CRB1: variants seen among roughly 807,000 people sequenced by gnomAD.
CRB1 encodes the protein protein crumbs homolog 1.
In CRB1, 83 loss-of-function variants were observed where a neutral mutation model predicts 120.0. The ratio of observed to expected loss-of-function variants is 0.69; its 90% CI spans 0.58 to 0.83. The LOEUF (loss-of-function observed/expected upper bound fraction) is 0.83. CRB1 is among the 40% of genes least tolerant of loss of function. The pLI, the probability that CRB1 is intolerant of heterozygous loss-of-function variation, is 0.00. For synonymous variants in CRB1, 625 were observed against 612.5 expected, an observed-to-expected ratio of 1.02 and a Z score of -0.30; for missense variants, 1,699 against 1,687.6, an observed-to-expected ratio of 1.01 and a Z score of -0.12.
chr1:197,282,066 TG>T (rs149207175), intron 1 of CRB1, among the ~76,000 whole-genome samples: 5,905 of 149,042 alleles, frequency 0.04, 159 homozygotes, highest in Non-Finnish European at 0.061. Context: ...TTCATAAAAA[TG>T]AAAAAAAAAA....
At chr1:197,275,274 G>A (rs188216649) in intron 1 of CRB1, among the ~76,000 whole-genome samples, 133 of 152,102 alleles carry the variant, frequency 8.7e-4, no homozygotes, top group African/African-American at 3.1e-3. Flanking sequence ...TTAGGACTCT[G>A]ACATACCTTG....
chr1:197,355,842 C>T (rs1247050576), intron 4 of CRB1, among the ~76,000 whole-genome samples: 1 of 152,218 alleles, frequency 6.6e-6, no homozygotes, highest in Non-Finnish European at 1.5e-5. Context: ...GGGGCTCCCA[C>T]AATGCAACGG....
chr1:197,366,075 G>A (rs1661058645), intron 5 of CRB1, among the ~76,000 whole-genome samples: 1 of 151,750 alleles, frequency 6.6e-6, no homozygotes, highest in Non-Finnish European at 1.5e-5. Flanking sequence ...AGGTAGAAAA[G>A]CAAGTGTTAA....
Position 197,344,315 on chromosome 1 carries a change from GT to G in CRB1, c.688del (p.Ser230ProfsTer5). On this transcript the variant is annotated frameshift_variant, in exon 3 of 12. Coordinates refer to ENST00000367400, the MANE Select transcript of CRB1 (RefSeq NM_201253.3). LOFTEE classifies it high-confidence loss of function. ...GTGAATTGGAAATTGACGAATGTTG[GT>G]CCCAGCCTTGTTTAAATGGTGCAAC... is the stretch of plus-strand genomic sequence containing the variant. ...NCELEIDECW[S>X]QPCLNGATCQ... The G allele has an allele frequency of 6.2e-7, 1 of 1,614,078 alleles. No homozygotes were observed. The highest frequency in any genetic ancestry group is 8.5e-7 in the Non-Finnish European group (1 of 1,180,006).
intron 1 of CRB1, among the ~76,000 whole-genome samples, chr1:197,322,782 T>A (rs10801602): frequency 0.35 from 53,439 of 152,032 alleles, 11,895 homozygotes; most frequent in East Asian, 0.78. Flanking sequence ...GCAGTTCATA[T>A]GAACATTAAT....
chr1:197,329,803 A>G (rs1658745411), intron 2 of CRB1, among the ~76,000 whole-genome samples: 1 of 152,140 alleles, frequency 6.6e-6, no homozygotes, highest in Non-Finnish European at 1.5e-5. Flanking sequence ...GCTTTCTCAC[A>G]TGCATTCATT....
chr1:197,321,568 A>T (rs1658196107), intron 1 of CRB1, among the ~76,000 whole-genome samples: 1 of 152,236 alleles, frequency 6.6e-6, no homozygotes, highest in South Asian at 2.1e-4. Flanking sequence ...TTATTTTACT[A>T]TTAGAAGGTG....
intron 5 of CRB1, among the ~76,000 whole-genome samples, chr1:197,363,529 T>A (rs886328301): frequency 6.6e-6 from 1 of 152,172 alleles, no homozygotes; most frequent in Admixed American, 6.5e-5. Flanking sequence ...CACAACTTTT[T>A]TTTCTGCACC....
At chr1:197,426,801 G>T (rs1664605626) in intron 6 of CRB1, among the ~76,000 whole-genome samples, 1 of 152,116 alleles carries the variant, frequency 6.6e-6, no homozygotes, top group Admixed American at 6.6e-5. Flanking sequence ...CCCAAGAGAA[G>T]ATTTAATCAT....
intron 4 of CRB1, among the ~76,000 whole-genome samples, chr1:197,355,341 A>G (rs1660405027): frequency 6.6e-6 from 1 of 152,176 alleles, no homozygotes; most frequent in Non-Finnish European, 1.5e-5. Context: ...CAGCTAGTGG[A>G]TCCCACGCAG....
At chr1:197,365,621 T>C in intron 5 of CRB1, among the ~76,000 whole-genome samples, 1 of 129,366 alleles carries the variant, frequency 7.7e-6, no homozygotes, top group East Asian at 2.0e-4. Context: ...CTTCTTCTTC[T>C]TCTTCTTTTT....
chr1:197,316,346 G>A (rs940400295), intron 1 of CRB1, among the ~76,000 whole-genome samples: 7 of 152,032 alleles, frequency 4.6e-5, no homozygotes, highest in South Asian at 2.1e-4. Flanking sequence ...CACCGAGCCC[G>A]GCTGATTTTT....
At chr1:197,428,571 G>GA (rs1291070982) in intron 7 of CRB1, among the ~76,000 whole-genome samples, 1 of 152,060 alleles carries the variant, frequency 6.6e-6, no homozygotes, top group Non-Finnish European at 1.5e-5. Flanking sequence ...CCTTTCAAAG[G>GA]AAAAAAAGGA....
the CRB1 span, among the ~76,000 whole-genome samples, chr1:197,216,915 CA>C: frequency 2.6e-5 from 4 of 151,392 alleles, no homozygotes; most frequent in African/African-American, 9.7e-5. Context: ...ATAAAAGTCC[CA>C]TAAAGAAAGG....
chr1:197,339,974 C>T (rs1313863325), intron 2 of CRB1, among the ~76,000 whole-genome samples: 1 of 152,134 alleles, frequency 6.6e-6, no homozygotes, highest in Non-Finnish European at 1.5e-5. Context: ...ATGCATTCAA[C>T]ATTTATTGAG....
chr1:197,324,303 C>G, intron 1 of CRB1, among the ~76,000 whole-genome samples: 1 of 152,282 alleles, frequency 6.6e-6, no homozygotes. Flanking sequence ...TTTTCTTGAA[C>G]TTATTCATTT....
chr1:197,302,049 ATAT>A (rs771845192), intron 1 of CRB1, among the ~76,000 whole-genome samples: 1 of 152,224 alleles, frequency 6.6e-6, no homozygotes, highest in Non-Finnish European at 1.5e-5. Context: ...TGTGGTTAAA[ATAT>A]TATCAAAAAG....
chr1:197,306,231 T>C (rs1657168050), intron 1 of CRB1, among the ~76,000 whole-genome samples: 1 of 152,096 alleles, frequency 6.6e-6, no homozygotes, highest in South Asian at 2.1e-4. Flanking sequence ...TAGCAAGCTG[T>C]AAAGTCCAAA....
chr1:197,449,531 TAA>T (rs1470392090), intron 11 of CRB1, among the ~76,000 whole-genome samples: 1 of 151,898 alleles, frequency 6.6e-6, no homozygotes, highest in African/African-American at 2.4e-5. Flanking sequence ...CACGCCCGGC[TAA>T]TTTTTTGTAT....
Sources: gnomAD v4.1 joint callset for allele counts (sites outside exome capture counted in the v4.1 genomes callset) on GRCh38, gnomAD v4.1.1 for gene constraint, MANE v1.5 for transcripts, NCBI Gene and HGNC (gene_info 2026-07-23, HGNC 2026-07-21) for gene names.